The following LAMA2 variants were observed in gnomAD, a reference collection of about 807,000 sequenced individuals.
LAMA2 encodes the protein laminin subunit alpha-2.
A neutral mutation model predicts 364.8 loss-of-function variants in LAMA2; 269 were observed. The observed-to-expected ratio is 0.74, with a 90% CI of 0.67 to 0.82. LAMA2 has a LOEUF of 0.82. Among genes scored for constraint, LAMA2 ranks in the 40% least tolerant of loss-of-function variants. LAMA2 has a pLI of 0.00. For missense variants in LAMA2, 3,807 were observed against 3,873.2 expected, an observed-to-expected ratio of 0.98 and a Z score of 0.45; for synonymous variants, 1,379 against 1,370.6, an observed-to-expected ratio of 1.01 and a Z score of -0.14.
intron 4 of LAMA2, among the ~76,000 whole-genome samples, chr6:129,132,712 ATT>A (rs1023046786): frequency 1.3e-4 from 20 of 152,002 alleles, no homozygotes; most frequent in African/African-American, 4.1e-4. Context: ...ATCCAGTGTC[ATT>A]TACATTTTTT....
At chr6:128,987,507 G>C (rs79130749) in intron 1 of LAMA2, among the ~76,000 whole-genome samples, 3,760 of 152,214 alleles carry the variant, frequency 0.025, 168 homozygotes, top group African/African-American at 0.085. Flanking sequence ...ATTAGATGTT[G>C]TCAAATTCTT....
intron 45 of LAMA2, among the ~76,000 whole-genome samples, 153 bp downstream of exon 45, chr6:129,445,974 G>T (rs767679200): frequency 1.3e-5 from 2 of 152,174 alleles, no homozygotes; most frequent in Non-Finnish European, 2.9e-5. Context: ...TGGAGTGGGG[G>T]AGAGGTTAGT....
chr6:129,105,182 G>A (rs937914742), intron 4 of LAMA2, among the ~76,000 whole-genome samples: 3 of 152,160 alleles, frequency 2.0e-5, no homozygotes, highest in Non-Finnish European at 4.4e-5. Context: ...TGAAGCAACA[G>A]ACTGCAGGGG....
At chr6:129,388,329 A>C (rs749519870) in intron 35 of LAMA2, among the ~76,000 whole-genome samples, 18 of 152,006 alleles carry the variant, frequency 1.2e-4, no homozygotes, top group African/African-American at 4.1e-4. Flanking sequence ...CCACCATGGC[A>C]TATGTATTCC....
At chr6:129,033,251 A>C (rs1420219666) in intron 1 of LAMA2, among the ~76,000 whole-genome samples, 1 of 152,070 alleles carries the variant, frequency 6.6e-6, no homozygotes, top group Non-Finnish European at 1.5e-5. Flanking sequence ...AAGTAAATGA[A>C]TGTGACTTTT....
intron 9 of LAMA2, among the ~76,000 whole-genome samples, chr6:129,176,214 G>T (rs1263792452): frequency 6.6e-6 from 1 of 151,598 alleles, no homozygotes; most frequent in African/African-American, 2.4e-5. Flanking sequence ...AAATATTTAG[G>T]CATTAATTTT....
intron 1 of LAMA2, among the ~76,000 whole-genome samples, chr6:129,007,067 T>G (rs1784489669): frequency 6.6e-6 from 1 of 152,166 alleles, no homozygotes; most frequent in Non-Finnish European, 1.5e-5. Context: ...GTGTTTCCAC[T>G]GAAAGTTTAA....
At chr6:129,218,322 G>A (rs1378525444) in intron 12 of LAMA2, among the ~76,000 whole-genome samples, 1 of 152,068 alleles carries the variant, frequency 6.6e-6, no homozygotes, top group Non-Finnish European at 1.5e-5. Flanking sequence ...TGTACATGTT[G>A]CCTGAGACAT....
chr6:129,252,358 C>T (rs1016400867), intron 14 of LAMA2, 63 bp downstream of exon 14: 53 of 1,289,078 alleles, frequency 4.1e-5, no homozygotes, highest in Non-Finnish European at 5.5e-5. Flanking sequence ...GTGCAGGAGC[C>T]GCCCCAGGAG....
chr6:129,509,105 G>A (rs1445686902), intron 62 of LAMA2, among the ~76,000 whole-genome samples: 5 of 152,162 alleles, frequency 3.3e-5, no homozygotes, highest in African/African-American at 1.2e-4. Flanking sequence ...GATGATCAGT[G>A]ATGTTGAGCC....
intron 29 of LAMA2, among the ~76,000 whole-genome samples, chr6:129,335,422 A>G (rs1775903145): frequency 6.6e-6 from 1 of 152,060 alleles, no homozygotes; most frequent in Admixed American, 6.6e-5. Context: ...TTTTCATTTA[A>G]TCATTGCTAC....
chr6:129,473,152 G>T, intron 51 of LAMA2, 62 bp from the exon 52 acceptor site: 1 of 1,308,286 alleles, frequency 7.6e-7, no homozygotes, highest in African/African-American at 1.5e-5. Flanking sequence ...AAGTATTAAT[G>T]ATGATATAGA....
intron 3 of LAMA2, among the ~76,000 whole-genome samples, chr6:129,076,557 C>CCAAACA (rs1773670167): frequency 6.9e-6 from 1 of 144,838 alleles, no homozygotes; most frequent in Admixed American, 7.0e-5. Flanking sequence ...GTGAATGGCT[C>CCAAACA]CAAACACAGA....
chr6:129,437,879 A>G (rs1433903521), intron 41 of LAMA2, among the ~76,000 whole-genome samples: 1 of 151,808 alleles, frequency 6.6e-6, no homozygotes, highest in African/African-American at 2.4e-5. Context: ...ATATTGTTGT[A>G]CTCGAATTTA....
intron 1 of LAMA2, among the ~76,000 whole-genome samples, chr6:129,041,673 G>A (rs1787105607): frequency 6.6e-6 from 1 of 152,106 alleles, no homozygotes; most frequent in Non-Finnish European, 1.5e-5. Context: ...AAGGTTGAAA[G>A]AATCATACAG....
chr6:129,491,854 T>C, intron 56 of LAMA2, 47 bp from the exon 57 acceptor site: 1 of 1,428,458 alleles, frequency 7.0e-7, no homozygotes, highest in South Asian at 1.2e-5. Flanking sequence ...TCCAACTGTA[T>C]TGAATCAGAT....
chr6:128,973,463 G>A (rs544428146), intron 1 of LAMA2, among the ~76,000 whole-genome samples: 2 of 152,230 alleles, frequency 1.3e-5, no homozygotes, highest in South Asian at 4.1e-4. Context: ...GTATTATTTT[G>A]TGCCTCTTTT....
chr6:129,371,964 T>C (rs1025247681), intron 34 of LAMA2, among the ~76,000 whole-genome samples: 6 of 152,178 alleles, frequency 3.9e-5, no homozygotes, highest in African/African-American at 1.2e-4. Flanking sequence ...CTATACTCTT[T>C]ACCCTTTCCA....
At chr6:129,255,794 A>G (rs914024695) in intron 14 of LAMA2, among the ~76,000 whole-genome samples, 6 of 152,180 alleles carry the variant, frequency 3.9e-5, no homozygotes, top group African/African-American at 1.4e-4. Flanking sequence ...GGTACACAGT[A>G]TACCTCTGCC....
Sources: gnomAD v4.1 joint callset for allele counts (sites outside exome capture counted in the v4.1 genomes callset) on GRCh38, gnomAD v4.1.1 for gene constraint, MANE v1.5 for transcripts, NCBI Gene and HGNC (gene_info 2026-07-23, HGNC 2026-07-21) for gene names.